Variants in AVL9 observed in about 807,000 individuals in gnomAD.
The protein encoded by AVL9 is AVL9 cell migration associated, also known as late secretory pathway protein AVL9 homolog.
In AVL9, 49 loss-of-function variants were observed where a neutral mutation model predicts 79.2. The ratio of observed to expected loss-of-function variants is 0.62; its 90% CI spans 0.49 to 0.79. The LOEUF (loss-of-function observed/expected upper bound fraction) is 0.79. Among genes scored for constraint, AVL9 ranks in the 30% least tolerant of loss-of-function variants. AVL9 has a pLI of 0.00. For missense variants in AVL9, 682 were observed against 776.8 expected (o/e 0.88, Z 1.45); for synonymous variants, 299 against 280.6 (o/e 1.07, Z -0.65).
At chr7:32,507,466 C>T (rs1562752383) in intron 1 of AVL9, among the ~76,000 whole-genome samples, 1 of 152,168 alleles carries the variant, frequency 6.6e-6, no homozygotes, top group Non-Finnish European at 1.5e-5. Context: ...CCATAGATTA[C>T]TCTGTTTCTT....
intron 1 of AVL9, among the ~76,000 whole-genome samples, chr7:32,513,103 G>A (rs1332026248): frequency 3.3e-5 from 5 of 152,204 alleles, no homozygotes; most frequent in Admixed American, 3.3e-4. Context: ...AGCACAGGGA[G>A]ACAGATTTGA....
chr7:32,528,864 G>T (rs1467354410), intron 1 of AVL9, among the ~76,000 whole-genome samples: 1 of 151,990 alleles, frequency 6.6e-6, no homozygotes, highest in Non-Finnish European at 1.5e-5. Context: ...CAAAAAATTA[G>T]CCGGGCATGG....
At chr7:32,503,213 A>C (rs1787218470) in intron 1 of AVL9, among the ~76,000 whole-genome samples, 1 of 151,360 alleles carries the variant, frequency 6.6e-6, no homozygotes, top group Non-Finnish European at 1.5e-5. Flanking sequence ...GGTGGCTCAC[A>C]ACTGTAAATC....
intron 2 of AVL9, among the ~76,000 whole-genome samples, 181 bp from the exon 3 acceptor site, chr7:32,544,513 T>C (rs1374866199): frequency 6.6e-6 from 1 of 152,186 alleles, no homozygotes; most frequent in Non-Finnish European, 1.5e-5. Context: ...GTATTTACCA[T>C]AAAGCAATGA....
intron 4 of AVL9, among the ~76,000 whole-genome samples, chr7:32,550,040 G>A (rs1789740270): frequency 6.6e-6 from 1 of 152,140 alleles, no homozygotes. Context: ...AGAGTAGCCT[G>A]AAAAATATAC....
rs70992721 is a variant in AVL9, at chr7:32,502,392, C to CAAAAAAAAAA, written c.93+6598_93+6607dup. 4.2e-3 allele frequency among the ~76,000 whole-genome samples: 484 copies of CAAAAAAAAAA among 114,218 alleles called. 7 individuals are homozygous for CAAAAAAAAAA. The highest frequency in any genetic ancestry group is 0.015 in the African/African-American group (462 of 30,254). The allele number at this position is 114,218 out of a possible 152,430, so 74.9% of individuals were successfully genotyped here. ...TGGGTGAGAGAGTAAAACCCTTTCT[C>CAAAAAAAAAA]AAAAAAAAAAAAAAAAAGAAAGAAA... On this transcript the variant is annotated intron_variant, in intron 1 of 15. Coordinates refer to ENST00000318709, the MANE Select transcript of AVL9 (RefSeq NM_015060.3).
chr7:32,510,907 C>T (rs1787640633), intron 1 of AVL9, among the ~76,000 whole-genome samples: 1 of 141,454 alleles, frequency 7.1e-6, no homozygotes, highest in South Asian at 2.2e-4. Flanking sequence ...TGAACTGCCC[C>T]AGTATGAGGG....
chr7:32,502,897 A>G (rs1280685976), intron 1 of AVL9, among the ~76,000 whole-genome samples: 3 of 152,198 alleles, frequency 2.0e-5, no homozygotes, highest in Non-Finnish European at 4.4e-5. Context: ...CCCAATGTCA[A>G]TACTATCCAT....
chr7:32,524,182 A>C (rs947597784), intron 1 of AVL9, among the ~76,000 whole-genome samples: 1 of 152,026 alleles, frequency 6.6e-6, no homozygotes, highest in Non-Finnish European at 1.5e-5. Flanking sequence ...AACAGACTTT[A>C]TGTAAGGTAG....
intron 1 of AVL9, chr7:32,536,952 C>T (rs774266396): frequency 6.6e-6 from 1 of 152,214 alleles, no homozygotes; most frequent in Non-Finnish European, 1.5e-5. Context: ...CCTCCCAGCA[C>T]TTTGATGTGT....
chr7:32,538,245 A>G (rs1789005856), intron 1 of AVL9: 1 of 152,196 alleles, frequency 6.6e-6, no homozygotes, highest in African/African-American at 2.4e-5. Flanking sequence ...AGATTTCTAC[A>G]CCTGCCCTTA....
intron 1 of AVL9, among the ~76,000 whole-genome samples, chr7:32,518,359 G>A (rs1422668774): frequency 2.6e-5 from 4 of 152,058 alleles, no homozygotes; most frequent in East Asian, 3.9e-4. Flanking sequence ...TTAGTTAAAT[G>A]TAATGGAATA....
chr7:32,570,480 A>G (rs1424092071), intron 11 of AVL9, among the ~76,000 whole-genome samples: 1 of 152,178 alleles, frequency 6.6e-6, no homozygotes, highest in East Asian at 1.9e-4. Flanking sequence ...GATTTTTAAC[A>G]TGTGTTTGTT....
chr7:32,542,072 C>T (rs1384350619), intron 1 of AVL9, among the ~76,000 whole-genome samples: 2 of 151,910 alleles, frequency 1.3e-5, no homozygotes, highest in Non-Finnish European at 2.9e-5. Flanking sequence ...TTAATCTAAA[C>T]TTTTAAAGAG....
chr7:32,536,019 G>T (rs1188042730), intron 1 of AVL9: 2 of 152,116 alleles, frequency 1.3e-5, no homozygotes, highest in Non-Finnish European at 2.9e-5. Context: ...GTTTCCTGAG[G>T]TTTCCTCCCT....
At chr7:32,581,474 T>G (rs978711877) in intron 15 of AVL9, 1 of 152,218 alleles carries the variant, frequency 6.6e-6, no homozygotes, top group South Asian at 2.1e-4. Flanking sequence ...ATATACAAAT[T>G]TTTTTAAAGA....
chr7:32,503,041 T>C (rs1243363994), intron 1 of AVL9, among the ~76,000 whole-genome samples: 1 of 152,152 alleles, frequency 6.6e-6, no homozygotes, highest in Non-Finnish European at 1.5e-5. Context: ...TAAAGCCTTC[T>C]TGGTATACTG....
At position 32,523,136 on chromosome 7, in the gene AVL9, T is replaced by C. The variant is rs189001020; in HGVS notation, c.94-20005T>C. ...GGGTCTATAGATGGTTAATAAAACA[T>C]TGGGGTAATTAACCAAAAAAAAAAA... On this transcript the variant is annotated intron_variant, in intron 1 of 15. Coordinates refer to ENST00000318709, the MANE Select transcript of AVL9 (RefSeq NM_015060.3). Among the ~76,000 whole-genome samples the C allele has an allele frequency of 4.9e-3, 505 of 102,304 alleles. 2 individuals are homozygous for C. The highest frequency in any genetic ancestry group is 0.017 in the African/African-American group (469 of 27,398). 67.1% of individuals were successfully genotyped at this position (102,304 alleles called of 152,430 possible). A position where few individuals can be genotyped will look rare whatever the true frequency, so the allele number is the denominator to read the frequency against.
chr7:32,547,625 G>A (rs190733848), intron 3 of AVL9, among the ~76,000 whole-genome samples: 1 of 152,278 alleles, frequency 6.6e-6, no homozygotes, highest in East Asian at 1.9e-4. Context: ...GAGTACATTA[G>A]AGTTGCCCAT....
Sources: gnomAD v4.1 joint callset for allele counts (sites outside exome capture counted in the v4.1 genomes callset) on GRCh38, gnomAD v4.1.1 for gene constraint, MANE v1.5 for transcripts, NCBI Gene and HGNC (gene_info 2026-07-23, HGNC 2026-07-21) for gene names.